Variants in TIPRL observed in about 807,000 individuals in gnomAD.
TIPRL encodes TIP41-like protein.
Under a neutral mutation model 32.3 loss-of-function variants are expected in TIPRL, and 10 were observed. That is an observed-to-expected ratio of 0.31 (90% CI 0.19 to 0.52). The LOEUF (loss-of-function observed/expected upper bound fraction) is 0.52. TIPRL is among the 20% of genes least tolerant of loss of function. TIPRL has a pLI of 0.96. For synonymous variants in TIPRL, 100 were observed against 114.0 expected (o/e 0.88, Z 0.78); for missense variants, 250 against 328.1 (o/e 0.76, Z 1.84).
At chr1:168,191,765 G>C (rs143676400) in intron 4 of TIPRL, among the ~76,000 whole-genome samples, 1,858 of 151,392 alleles carry the variant, frequency 0.012, 36 homozygotes, top group African/African-American at 0.041. Flanking sequence ...CCAGCTACTC[G>C]GGAGGCTGAG....
At chr1:168,179,442 C>G (rs567202406) in intron 1 of TIPRL, among the ~76,000 whole-genome samples, 5 of 152,216 alleles carry the variant, frequency 3.3e-5, no homozygotes, top group African/African-American at 4.8e-5. Flanking sequence ...GGACTTTCCC[C>G]TCACCAAACG....
intron 3 of TIPRL, among the ~76,000 whole-genome samples, chr1:168,189,778 G>A (rs1024506110): frequency 5.3e-5 from 8 of 152,178 alleles, no homozygotes; most frequent in African/African-American, 1.9e-4. Context: ...CCTTGCAAAT[G>A]GAGACAATAG....
At chr1:168,192,048 TTTA>T (rs1700104675) in intron 4 of TIPRL, among the ~76,000 whole-genome samples, 2 of 152,126 alleles carry the variant, frequency 1.3e-5, no homozygotes, top group Non-Finnish European at 2.9e-5. Context: ...AGTTTATTTG[TTTA>T]TTATTTAACT....
At chr1:168,182,467 A>C (rs1304261802) in intron 1 of TIPRL, among the ~76,000 whole-genome samples, 2 of 152,202 alleles carry the variant, frequency 1.3e-5, no homozygotes, top group African/African-American at 2.4e-5. Flanking sequence ...TTCTACTAAA[A>C]ATACAAAAAT....
intron 1 of TIPRL, among the ~76,000 whole-genome samples, chr1:168,182,079 A>AG (rs1699973504): frequency 8.7e-6 from 1 of 115,606 alleles, no homozygotes; most frequent in Non-Finnish European, 1.6e-5. Flanking sequence ...CTCCGCCAAA[A>AG]AAAAAAAAAT....
intron 4 of TIPRL, among the ~76,000 whole-genome samples, chr1:168,193,140 A>G (rs1700118413): frequency 1.3e-5 from 2 of 152,228 alleles, no homozygotes; most frequent in Admixed American, 1.3e-4. Flanking sequence ...GTGAGCTATG[A>G]TGGTGCCACT....
At chr1:168,193,285 A>AT (rs1233546654) in intron 4 of TIPRL, among the ~76,000 whole-genome samples, 5 of 152,188 alleles carry the variant, frequency 3.3e-5, no homozygotes, top group African/African-American at 7.2e-5. Flanking sequence ...TTAGAGAATC[A>AT]TTTTTTGTAG....
intron 5 of TIPRL, among the ~76,000 whole-genome samples, chr1:168,197,894 C>A (rs10737538): frequency 0.064 from 9,735 of 152,114 alleles, 467 homozygotes; most frequent in East Asian, 0.21. Context: ...TAAAAAGATT[C>A]TTTTATATAA....
intron 3 of TIPRL, 55 bp downstream of exon 3, chr1:168,184,933 A>G (rs1309645976): frequency 7.9e-6 from 9 of 1,141,564 alleles, no homozygotes; most frequent in Non-Finnish European, 1.1e-5. Flanking sequence ...CAGTCTGAGC[A>G]TTAGAACTTT....
At chr1:168,187,561 A>T (rs1449305736) in intron 3 of TIPRL, among the ~76,000 whole-genome samples, 1 of 152,270 alleles carries the variant, frequency 6.6e-6, no homozygotes, top group Non-Finnish European at 1.5e-5. Context: ...CAAAACACAG[A>T]TCTGGGTTCA....
At chr1:168,189,365 G>T (rs1249738806) in intron 3 of TIPRL, among the ~76,000 whole-genome samples, 6 of 152,072 alleles carry the variant, frequency 3.9e-5, no homozygotes, top group Admixed American at 3.9e-4. Flanking sequence ...ATTTTTTTGA[G>T]ATAGAGTTTC....
intron 1 of TIPRL, among the ~76,000 whole-genome samples, chr1:168,183,033 T>C (rs989866571): frequency 1.3e-5 from 2 of 152,230 alleles, no homozygotes; most frequent in Non-Finnish European, 1.5e-5. Flanking sequence ...ATCACTGATA[T>C]GTGCACACAG....
chr1:168,196,729 C>T (rs1425911744), intron 5 of TIPRL, 87 bp downstream of exon 5: 2 of 931,800 alleles, frequency 2.1e-6, no homozygotes, highest in Non-Finnish European at 1.6e-6. Flanking sequence ...TGAAATTAAA[C>T]AATCTATATT....
chr1:168,189,866 C>T (rs957282592), intron 3 of TIPRL, among the ~76,000 whole-genome samples: 3 of 152,014 alleles, frequency 2.0e-5, no homozygotes, highest in Non-Finnish European at 2.9e-5. Flanking sequence ...AGAACAAGTA[C>T]GTAAATGGAA....
chr1:168,193,687 G>T (rs1386576186), intron 4 of TIPRL, among the ~76,000 whole-genome samples: 1 of 152,158 alleles, frequency 6.6e-6, no homozygotes, highest in Admixed American at 6.5e-5. Context: ...AAATATGTGT[G>T]TACAAGAATA....
Position 168,180,078 on chromosome 1 carries a change from A to G in TIPRL, c.104+897A>G, listed in dbSNP as rs369658119. Among the ~76,000 whole-genome samples the G allele has an allele frequency of 4.1e-4, 63 of 152,248 alleles. No individual in the cohort carries two copies. In the South Asian group the frequency reaches 0.013, roughly 31 times the overall value. ...CACTGGGTGTAATTTTATCCAAAGG[A>G]GCTGCATTATCAGATGTACGCTCTG... is the stretch of plus-strand genomic sequence containing the variant. On this transcript the variant is annotated intron_variant, in intron 1 of 6. Transcript: ENST00000367833.
chr1:168,187,932 A>G (rs1176138469), intron 3 of TIPRL, among the ~76,000 whole-genome samples: 1 of 152,160 alleles, frequency 6.6e-6, no homozygotes, highest in Non-Finnish European at 1.5e-5. Flanking sequence ...TGATTGTGCC[A>G]CTGTACTCCA....
intron 4 of TIPRL, among the ~76,000 whole-genome samples, chr1:168,195,698 A>T (rs1700145797): frequency 6.6e-6 from 1 of 151,974 alleles, no homozygotes; most frequent in South Asian, 2.1e-4. Context: ...TTAGCCTTCC[A>T]CGTAGCTAGG....
intron 3 of TIPRL, among the ~76,000 whole-genome samples, chr1:168,188,923 G>A (rs1219042376): frequency 2.0e-5 from 3 of 152,102 alleles, no homozygotes; most frequent in Admixed American, 2.0e-4. Context: ...GGAGGTTGCA[G>A]TGAACTGAAA....
Sources: allele counts gnomAD v4.1 joint callset (sites outside exome capture counted in the v4.1 genomes callset), GRCh38; gene constraint gnomAD v4.1.1; transcripts MANE v1.5; gene names NCBI Gene and HGNC (gene_info 2026-07-23, HGNC 2026-07-21).